Variants in CTNNA3 observed in about 807,000 individuals in gnomAD.
The protein encoded by CTNNA3 is catenin alpha 3.
In CTNNA3, 76 loss-of-function variants were observed where a neutral mutation model predicts 95.7. The observed-to-expected ratio is 0.79, with a 90% CI of 0.66 to 0.96. The LOEUF (loss-of-function observed/expected upper bound fraction) is 0.96, where lower values mean the gene tolerates loss of function less well. CTNNA3 is among the 40% of genes least tolerant of loss of function. The pLI, the probability that CTNNA3 is intolerant of heterozygous loss-of-function variation, is 0.00. For missense variants in CTNNA3, 1,191 were observed against 1,089.8 expected (o/e 1.09, Z -1.31); for synonymous variants, 431 against 374.4 (o/e 1.15, Z -1.74).
chr10:66,698,603 A>C (rs1054962526), intron 9 of CTNNA3, among the ~76,000 whole-genome samples: 1 of 152,242 alleles, frequency 6.6e-6, no homozygotes, highest in African/African-American at 2.4e-5. Context: ...TATTGAAGTA[A>C]TAGAAGAAAT....
chr10:67,099,139 G>A (rs1199993038), intron 7 of CTNNA3: 1 of 151,680 alleles, frequency 6.6e-6, no homozygotes, highest in Non-Finnish European at 1.5e-5. Context: ...AAATAACTCA[G>A]AGTAATTTGA....
At chr10:67,394,373 T>C (rs1405995081) in intron 5 of CTNNA3, among the ~76,000 whole-genome samples, 1 of 150,632 alleles carries the variant, frequency 6.6e-6, no homozygotes, top group East Asian at 1.9e-4. Context: ...GCAGCTGACA[T>C]CAGTATTGTA....
chr10:66,011,909 T>C (rs762228537), intron 15 of CTNNA3, among the ~76,000 whole-genome samples: 3 of 152,170 alleles, frequency 2.0e-5, no homozygotes, highest in Non-Finnish European at 4.4e-5. Flanking sequence ...TGCTATGCTG[T>C]ATGATGGATA....
At chr10:66,048,625 C>A (rs2079881435) in intron 15 of CTNNA3, among the ~76,000 whole-genome samples, 1 of 151,920 alleles carries the variant, frequency 6.6e-6, no homozygotes, top group Non-Finnish European at 1.5e-5. Flanking sequence ...GCCAGGCGTG[C>A]TGGTGGGTGC....
chr10:66,264,487 T>C (rs1158082493), intron 13 of CTNNA3, among the ~76,000 whole-genome samples: 2 of 152,010 alleles, frequency 1.3e-5, no homozygotes, highest in Non-Finnish European at 2.9e-5. Flanking sequence ...TTTGTGTAAG[T>C]CAAAGTGATA....
intron 17 of CTNNA3, among the ~76,000 whole-genome samples, chr10:65,923,386 T>G (rs761684097): frequency 6.6e-6 from 1 of 152,228 alleles, no homozygotes; most frequent in Non-Finnish European, 1.5e-5. Flanking sequence ...ACTTATTCAA[T>G]GTTTTTATGA....
chr10:67,226,510 A>T (rs953997604), intron 5 of CTNNA3, among the ~76,000 whole-genome samples: 1 of 152,226 alleles, frequency 6.6e-6, no homozygotes, highest in Non-Finnish European at 1.5e-5. Context: ...AACCTGTCAT[A>T]TTAACAGCAG....
chr10:66,556,827 T>C (rs1008003252), intron 10 of CTNNA3, among the ~76,000 whole-genome samples: 33 of 152,066 alleles, frequency 2.2e-4, no homozygotes, highest in African/African-American at 7.7e-4. Flanking sequence ...TAATTAATAA[T>C]ACTCTTTTAT....
intron 12 of CTNNA3, among the ~76,000 whole-genome samples, chr10:66,353,496 C>A (rs1182882238): frequency 6.6e-6 from 1 of 151,912 alleles, no homozygotes; most frequent in African/African-American, 2.4e-5. Flanking sequence ...TTTTTCATAT[C>A]CAGAGAATCA....
At position 66,624,043 on chromosome 10, in the gene CTNNA3, G is replaced by A. The variant is rs148878528; in HGVS notation, c.1282-2259C>T. Among the ~76,000 whole-genome samples, 999 of 152,216 alleles carry A rather than the reference G, an allele frequency of 6.6e-3. 14 individuals carry two copies. Among genetic ancestry groups the A allele is most frequent in the African/African-American group, 0.023 (950 of 41,544 alleles). Reference sequence around the variant, plus strand: ...CTGTAAAAATAGTTTTAGATATTTGGACATTTGATATCCTTTGTGTATCTG... The same window carrying A: ...CTGTAAAAATAGTTTTAGATATTTGAACATTTGATATCCTTTGTGTATCTG... On this transcript the variant is annotated intron_variant, in intron 9 of 17. Coordinates refer to ENST00000433211, the MANE Select transcript of CTNNA3 (RefSeq NM_013266.4).
intron 5 of CTNNA3, among the ~76,000 whole-genome samples, chr10:67,316,812 T>C (rs1430809862): frequency 6.6e-6 from 1 of 152,186 alleles, no homozygotes; most frequent in Admixed American, 6.5e-5. Context: ...CCCTTGAAAA[T>C]ATAAAGTATT....
chr10:67,142,321 G>C (rs1324846023), intron 7 of CTNNA3, among the ~76,000 whole-genome samples: 1 of 151,894 alleles, frequency 6.6e-6, no homozygotes, highest in African/African-American at 2.4e-5. Context: ...TGTCTCCCTG[G>C]GTTTCCTTCC....
At chr10:67,120,294 C>A (rs1272622230) in intron 7 of CTNNA3, among the ~76,000 whole-genome samples, 7 of 151,892 alleles carry the variant, frequency 4.6e-5, no homozygotes, top group African/African-American at 1.7e-4. Flanking sequence ...CAAAAATTAT[C>A]ACTTTATACT....
chr10:67,236,971 C>T (rs993699459), intron 5 of CTNNA3, among the ~76,000 whole-genome samples: 1 of 151,132 alleles, frequency 6.6e-6, no homozygotes, highest in East Asian at 2.0e-4. Context: ...CCAGCAATCC[C>T]ACTACTAGGT....
intron 11 of CTNNA3, among the ~76,000 whole-genome samples, chr10:66,501,088 T>A (rs1840262716): frequency 6.6e-6 from 1 of 152,180 alleles, no homozygotes; most frequent in African/African-American, 2.4e-5. Flanking sequence ...TAAATGAATG[T>A]AAAGTGTTAA....
In CTNNA3 at chr10:67,496,247, A is replaced by G. The variant is rs145430720; in HGVS notation, c.579+25595T>C. 8.6e-4 allele frequency among the ~76,000 whole-genome samples: 131 copies of G among 152,214 alleles called. No homozygotes were observed. In the East Asian group the frequency reaches 9.5e-3, roughly 11 times the overall value. On this transcript the variant is annotated intron_variant, in intron 5 of 17. Coordinates refer to ENST00000433211, the MANE Select transcript of CTNNA3 (RefSeq NM_013266.4). ...TCATCTTGCGGTGTGACAGACTCCT[A>G]TGTGCCTTTTTATTTTTAATAGACT...
chr10:67,668,796 G>T (rs1840376031), intron 1 of CTNNA3, among the ~76,000 whole-genome samples: 1 of 147,238 alleles, frequency 6.8e-6, no homozygotes, highest in South Asian at 2.2e-4. Flanking sequence ...TAAAACCACA[G>T]AAAATGCAAC....
intron 5 of CTNNA3, among the ~76,000 whole-genome samples, chr10:67,422,625 T>C (rs542843556): frequency 2.0e-5 from 3 of 152,266 alleles, no homozygotes; most frequent in East Asian, 1.9e-4. Context: ...GTTCTCATGA[T>C]AGTGAGTGAG....
In CTNNA3 at chr10:67,270,064, G is replaced by A. The variant is rs568451185; in HGVS notation, c.580-50194C>T. On this transcript the variant is annotated intron_variant, in intron 5 of 17. Transcript: ENST00000433211. ...CAGCTGCACTCTAGACCTATAAATC[G>A]CTCTGAGTACTACAAAATCCATACA... is the stretch of plus-strand genomic sequence containing the variant. Among the ~76,000 whole-genome samples, 52 of 149,658 alleles carry A rather than the reference G, an allele frequency of 3.5e-4. 1 individual carries two copies. Among genetic ancestry groups the A allele is most frequent in the Admixed American group, 2.1e-3 (32 of 14,918 alleles).
Sources: allele counts gnomAD v4.1 joint callset (sites outside exome capture counted in the v4.1 genomes callset), GRCh38; gene constraint gnomAD v4.1.1; transcripts MANE v1.5; gene names NCBI Gene and HGNC (gene_info 2026-07-23, HGNC 2026-07-21).